Variants in HTR7 observed in about 807,000 individuals in gnomAD.
The protein encoded by HTR7 is 5-hydroxytryptamine receptor 7.
HTR7 carries 16 observed loss-of-function variants against 34.0 expected under a neutral mutation model. The ratio of observed to expected loss-of-function variants is 0.47; its 90% CI spans 0.32 to 0.71. The LOEUF is 0.71. Among genes scored for constraint, HTR7 ranks in the 30% least tolerant of loss-of-function variants. The pLI, the probability that HTR7 is intolerant of heterozygous loss-of-function variation, is 0.04. For missense variants in HTR7, 504 were observed against 625.5 expected (o/e 0.81, Z 2.07); for synonymous variants, 265 against 260.2 (o/e 1.02, Z -0.18).
intron 1 of HTR7, among the ~76,000 whole-genome samples, chr10:90,828,214 G>A (rs891181488): frequency 2.6e-5 from 4 of 152,148 alleles, no homozygotes; most frequent in African/African-American, 7.2e-5. Flanking sequence ...AGTGAAAGCA[G>A]TAATAAGAGA....
chr10:90,800,849 G>C (rs1392307239), intron 1 of HTR7, among the ~76,000 whole-genome samples: 4 of 152,042 alleles, frequency 2.6e-5, no homozygotes, highest in Non-Finnish European at 1.5e-5. Context: ...ATGCCCTCAG[G>C]GTGGCTCAAT....
intron 1 of HTR7, among the ~76,000 whole-genome samples, chr10:90,803,795 C>A (rs980764631): frequency 3.9e-5 from 6 of 152,156 alleles, no homozygotes; most frequent in African/African-American, 1.4e-4. Flanking sequence ...TTTGTGTGTT[C>A]TTGGCTAAGC....
intron 1 of HTR7, among the ~76,000 whole-genome samples, chr10:90,760,691 C>A (rs777912055): frequency 1.6e-4 from 24 of 152,054 alleles, no homozygotes; most frequent in Non-Finnish European, 3.1e-4. Flanking sequence ...ACCAACCTGG[C>A]CAACATGGTG....
rs991218546 is a variant in HTR7, at chr10:90,821,879, G to A, written c.539+35254C>T. Among the ~76,000 whole-genome samples the A allele has an allele frequency of 2.4e-5, 3 of 126,364 alleles. No individual in the cohort carries two copies. The South Asian group carries it at 8.2e-4, about 35-fold the overall frequency. 82.9% of individuals were successfully genotyped at this position (126,364 alleles called of 152,430 possible). A position where few individuals can be genotyped will look rare whatever the true frequency, so the allele number is the denominator to read the frequency against. ...TCTCTCTCTCTCTCCTGCTGGCAAT[G>A]GGAAAGACATGCTTGATTCCCTTTA... On this transcript the variant is annotated intron_variant, in intron 1 of 3. Transcript: ENST00000336152.
chr10:90,783,865 G>A (rs1845343106), intron 1 of HTR7, among the ~76,000 whole-genome samples: 1 of 152,106 alleles, frequency 6.6e-6, no homozygotes, highest in East Asian at 1.9e-4. Context: ...CTCCACTCAT[G>A]GTGTAGCTAT....
Position 90,742,457 on chromosome 10 carries a change from T to C in HTR7, c.*25A>G. On this transcript the variant is annotated 3_prime_UTR_variant, in exon 4 of 4. Coordinates refer to ENST00000336152, the MANE Select transcript of HTR7 (RefSeq NM_019859.4). ...TGTTTCCACCTCTATTTTGCCTTGT[T>C]TATTTCATCTCCATTGTTCTGCTTT... 1 of 1,586,308 alleles carries C rather than the reference T, an allele frequency of 6.3e-7. No individual in the cohort carries two copies. Among genetic ancestry groups the C allele is most frequent in the Non-Finnish European group, 8.6e-7 (1 of 1,162,268 alleles).
At chr10:90,847,351 A>G (rs926015859) in intron 1 of HTR7, among the ~76,000 whole-genome samples, 4 of 133,212 alleles carry the variant, frequency 3.0e-5, no homozygotes, top group African/African-American at 1.2e-4. Flanking sequence ...CATGAGAGGA[A>G]AAAAAAAAGC....
chr10:90,801,715 G>C (rs1845629831), intron 1 of HTR7, among the ~76,000 whole-genome samples: 1 of 152,172 alleles, frequency 6.6e-6, no homozygotes, highest in African/African-American at 2.4e-5. Flanking sequence ...TTGGAAGTCA[G>C]AATGAAGAGA....
At chr10:90,762,339 G>A (rs1169571202) in intron 1 of HTR7, among the ~76,000 whole-genome samples, 1 of 152,170 alleles carries the variant, frequency 6.6e-6, no homozygotes, top group Admixed American at 6.5e-5. Context: ...CAAAAAGTGT[G>A]AGGTGATCGC....
At chr10:90,824,413 G>C (rs1345463943) in intron 1 of HTR7, among the ~76,000 whole-genome samples, 1 of 152,244 alleles carries the variant, frequency 6.6e-6, no homozygotes, top group African/African-American at 2.4e-5. Flanking sequence ...GAGACTCTGA[G>C]ATGTACTGGC....
At chr10:90,831,696 G>GT (rs780115116) in intron 1 of HTR7, among the ~76,000 whole-genome samples, 2 of 152,156 alleles carry the variant, frequency 1.3e-5, no homozygotes, top group Admixed American at 6.5e-5. Flanking sequence ...TGATTGGTCC[G>GT]TTTTGACAGG....
At chr10:90,840,363 T>C (rs1487152312) in intron 1 of HTR7, among the ~76,000 whole-genome samples, 1 of 152,114 alleles carries the variant, frequency 6.6e-6, no homozygotes, top group African/African-American at 2.4e-5. Context: ...ATCTGTAAAA[T>C]GGGGATAATA....
chr10:90,760,741 C>T (rs1217211218), intron 1 of HTR7, among the ~76,000 whole-genome samples: 1 of 151,946 alleles, frequency 6.6e-6, no homozygotes, highest in Non-Finnish European at 1.5e-5. Context: ...ATTAGCCAGG[C>T]GTGGTGGTGG....
At chr10:90,815,083 T>TG (rs1845877701) in intron 1 of HTR7, among the ~76,000 whole-genome samples, 1 of 136,794 alleles carries the variant, frequency 7.3e-6, no homozygotes, top group African/African-American at 3.0e-5. Context: ...ATTTTTTTTT[T>TG]GTTTTTTTTT....
intron 1 of HTR7, among the ~76,000 whole-genome samples, chr10:90,751,291 AG>A (rs1844728326): frequency 6.6e-6 from 1 of 152,138 alleles, no homozygotes; most frequent in Non-Finnish European, 1.5e-5. Flanking sequence ...AGAAGAAGAG[AG>A]GGAGTGAAGG....
At chr10:90,814,704 C>T (rs532823842) in intron 1 of HTR7, among the ~76,000 whole-genome samples, 4 of 152,274 alleles carry the variant, frequency 2.6e-5, no homozygotes, top group Non-Finnish European at 4.4e-5. Context: ...AGAAATTAAA[C>T]GAATAAAATA....
intron 1 of HTR7, among the ~76,000 whole-genome samples, chr10:90,771,047 G>A (rs1845101530): frequency 6.6e-6 from 1 of 152,222 alleles, no homozygotes; most frequent in South Asian, 2.1e-4. Flanking sequence ...GCTGCAGAAA[G>A]GAGCTACCCT....
intron 1 of HTR7, among the ~76,000 whole-genome samples, chr10:90,842,315 C>A (rs906377434): frequency 3.3e-5 from 5 of 152,182 alleles, no homozygotes; most frequent in Non-Finnish European, 7.3e-5. Context: ...GTGCCTTGAT[C>A]TTGGACTTCC....
chr10:90,799,125 C>T (rs1845584186), intron 1 of HTR7, among the ~76,000 whole-genome samples: 1 of 152,128 alleles, frequency 6.6e-6, no homozygotes, highest in Admixed American at 6.5e-5. Flanking sequence ...ACTGGCTCAT[C>T]TGATCTTGTA....
Sources: gnomAD v4.1 joint callset for allele counts (sites outside exome capture counted in the v4.1 genomes callset) on GRCh38, gnomAD v4.1.1 for gene constraint, MANE v1.5 for transcripts, NCBI Gene and HGNC (gene_info 2026-07-23, HGNC 2026-07-21) for gene names.